The following HSD17B3 variants were observed in gnomAD, a reference collection of about 807,000 sequenced individuals.
HSD17B3 encodes the protein 17-beta-hydroxysteroid dehydrogenase type 3.
HSD17B3 carries 29 observed loss-of-function variants against 41.1 expected under a neutral mutation model. The observed-to-expected ratio is 0.71, with a 90% confidence interval of 0.53 to 0.96. The LOEUF is 0.96. Among genes scored for constraint, HSD17B3 ranks in the 40% least tolerant of loss-of-function variants. The pLI, the probability that HSD17B3 is intolerant of heterozygous loss-of-function variation, is 0.00. For synonymous variants in HSD17B3, 126 were observed against 145.6 expected (o/e 0.87, Z 0.97); for missense variants, 323 against 374.6 (o/e 0.86, Z 1.14).
At chr9:96,246,193 T>C (rs546392443) in intron 7 of HSD17B3, among the ~76,000 whole-genome samples, 1 of 152,228 alleles carries the variant, frequency 6.6e-6, no homozygotes, top group Non-Finnish European at 1.5e-5. Context: ...TGGAGTATTC[T>C]CTCTGACAAA....
chr9:96,256,686 A>G (rs1163732185), intron 2 of HSD17B3, among the ~76,000 whole-genome samples: 2 of 151,900 alleles, frequency 1.3e-5, no homozygotes, highest in African/African-American at 4.8e-5. Flanking sequence ...AAAGAATTAC[A>G]TATTATAGAA....
intron 2 of HSD17B3, among the ~76,000 whole-genome samples, chr9:96,255,475 C>G (rs1395910367): frequency 1.4e-5 from 2 of 143,604 alleles, no homozygotes; most frequent in Admixed American, 7.3e-5. Context: ...CTGCAACCTC[C>G]ACCTCCAGGG....
intron 7 of HSD17B3, among the ~76,000 whole-genome samples, chr9:96,246,153 G>A (rs927606945): frequency 2.0e-5 from 3 of 152,226 alleles, no homozygotes; most frequent in African/African-American, 7.2e-5. Context: ...AAGTGGAGGA[G>A]CTGACAGGGC....
At chr9:96,270,095 A>G (rs1295541526) in intron 2 of HSD17B3, among the ~76,000 whole-genome samples, 1 of 152,140 alleles carries the variant, frequency 6.6e-6, no homozygotes, top group Admixed American at 6.6e-5. Context: ...GGGAAGGTAA[A>G]CATAAATGTG....
intron 2 of HSD17B3, among the ~76,000 whole-genome samples, chr9:96,259,740 TG>T (rs1178471887): frequency 6.6e-6 from 1 of 150,690 alleles, no homozygotes; most frequent in African/African-American, 2.4e-5. Context: ...AAAAAAAGTG[TG>T]TAGCGGAGAA....
At chr9:96,244,852 G>T (rs190324416) in intron 8 of HSD17B3, among the ~76,000 whole-genome samples, 1 of 152,226 alleles carries the variant, frequency 6.6e-6, no homozygotes, top group Non-Finnish European at 1.5e-5. Flanking sequence ...AAATGAACCA[G>T]CTTGCCTTGA....
rs34258388 is a variant in HSD17B3, at chr9:96,246,772, C to T, written c.490-182G>A. Among the ~76,000 whole-genome samples, 422 of 152,300 alleles carry T rather than the reference C, an allele frequency of 2.8e-3. 1 individual carries two copies. Among genetic ancestry groups the T allele is most frequent in the African/African-American group, 9.7e-3 (404 of 41,556 alleles). On this transcript the variant is annotated intron_variant, in intron 6 of 10. Transcript: ENST00000375263. The stretch of plus-strand genomic sequence containing the variant: ...TGGCCACATTAGAGTCTGCCTGGAA[C>T]CCACAGGAGCCAACCTAGACAAATG...
intron 2 of HSD17B3, among the ~76,000 whole-genome samples, chr9:96,295,757 C>T (rs1404302617): frequency 2.6e-5 from 4 of 152,202 alleles, no homozygotes; most frequent in African/African-American, 7.2e-5. Context: ...TGATGCAAGC[C>T]GTCTGGGACA....
intron 2 of HSD17B3, among the ~76,000 whole-genome samples, chr9:96,296,147 G>A (rs1466103635): frequency 6.6e-6 from 1 of 152,126 alleles, no homozygotes. Flanking sequence ...TACTCAGGAG[G>A]CTGAGTGGGA....
At chr9:96,241,040 T>A in intron 9 of HSD17B3, 133 bp from the exon 10 acceptor site, 1 of 1,073,342 alleles carries the variant, frequency 9.3e-7, no homozygotes, top group Non-Finnish European at 1.4e-6. Context: ...AGATCTTGAG[T>A]GGAAAAAGGC....
chr9:96,272,436 TATATATATATAAA>T (rs1208768558), intron 2 of HSD17B3, among the ~76,000 whole-genome samples: 12 of 99,830 alleles, frequency 1.2e-4, no homozygotes, highest in South Asian at 3.5e-4. Flanking sequence ...TATATATATA[TATATATATATAAA>T]ATATATATGA....
chr9:96,247,123 C>G (rs1208155007), intron 6 of HSD17B3: 1 of 159,300 alleles, frequency 6.3e-6, no homozygotes, highest in Non-Finnish European at 1.4e-5. Flanking sequence ...ATTACAAGAG[C>G]CTTGAGAGGC....
chr9:96,245,619 T>C (rs1295624517), intron 7 of HSD17B3, among the ~76,000 whole-genome samples, 193 bp from the exon 8 acceptor site: 2 of 151,970 alleles, frequency 1.3e-5, no homozygotes, highest in Non-Finnish European at 2.9e-5. Context: ...CACACAGAGA[T>C]GTCTGGATTT....
intron 2 of HSD17B3, among the ~76,000 whole-genome samples, chr9:96,277,819 G>GAATA (rs1554700546): frequency 4.6e-5 from 7 of 151,238 alleles, no homozygotes; most frequent in African/African-American, 1.7e-4. Context: ...ATTAACAGAT[G>GAATA]AATAAGGAAA....
intron 9 of HSD17B3, among the ~76,000 whole-genome samples, chr9:96,244,012 A>C (rs1192629378): frequency 1.3e-5 from 2 of 152,198 alleles, no homozygotes; most frequent in African/African-American, 2.4e-5. Context: ...ACCAACCCGA[A>C]TGTCTGCTCT....
At chr9:96,251,514 G>A (rs368924842) in intron 4 of HSD17B3, 29 bp from the exon 5 acceptor site, 17 of 1,595,596 alleles carry the variant, frequency 1.1e-5, no homozygotes, top group Non-Finnish European at 1.3e-5. Flanking sequence ...ACAAAAATGT[G>A]TCAGAAGATC....
chr9:96,281,994 A>C (rs1277183519), intron 2 of HSD17B3, among the ~76,000 whole-genome samples: 1 of 152,190 alleles, frequency 6.6e-6, no homozygotes, highest in East Asian at 1.9e-4. Flanking sequence ...CGTAAGCTGC[A>C]GCAAATTTGG....
chr9:96,244,282 C>T (rs1836568296), intron 9 of HSD17B3, 47 bp downstream of exon 9: 5 of 1,593,896 alleles, frequency 3.1e-6, no homozygotes, highest in Non-Finnish European at 4.3e-6. Flanking sequence ...TCACAGCCGC[C>T]CACCTCACCT....
At chr9:96,269,484 T>A (rs1204591145) in intron 2 of HSD17B3, among the ~76,000 whole-genome samples, 1 of 152,064 alleles carries the variant, frequency 6.6e-6, no homozygotes, top group African/African-American at 2.4e-5. Context: ...TTGGGATGTA[T>A]TGGAATGCTG....
Sources: allele counts gnomAD v4.1 joint callset (sites outside exome capture counted in the v4.1 genomes callset), GRCh38; gene constraint gnomAD v4.1.1; transcripts MANE v1.5; gene names NCBI Gene and HGNC (gene_info 2026-07-23, HGNC 2026-07-21).